SNRNP35: variants seen among roughly 807,000 people sequenced by gnomAD.
The protein encoded by SNRNP35 is U11/U12 small nuclear ribonucleoprotein 35 kDa protein.
Under a neutral mutation model 24.3 loss-of-function variants are expected in SNRNP35, and 16 were observed. The ratio of observed to expected loss-of-function variants is 0.66; its 90% CI spans 0.45 to 1.00. SNRNP35 has a LOEUF of 1.00. Among genes scored for constraint, SNRNP35 ranks in the 50% least tolerant of loss-of-function variants. SNRNP35 has a pLI of 0.00. For missense variants in SNRNP35, 292 were observed against 327.2 expected (o/e 0.89, Z 0.83); for synonymous variants, 106 against 124.8 (o/e 0.85, Z 1.00).
At position 123,465,968 on chromosome 12, in the gene SNRNP35, G is replaced by A. The variant is rs748676529; in HGVS notation, c.428G>A (p.Gly143Asp). 2 of 1,613,994 alleles carry A rather than the reference G, an allele frequency of 1.2e-6. No homozygotes were observed. The highest frequency in any genetic ancestry group is 2.2e-5 in the East Asian group (1 of 44,898). Residue 143 changes from glycine to aspartate, a missense_variant, in exon 2 of 2, where the codon GGT (glycine) becomes GAT (aspartate). By Grantham distance (94) the Gly-to-Asp change is moderately conservative. Transcript: ENST00000526639. This position sits in a 1 kb window ranked among gnomAD's most constrained non-coding sequence, Gnocchi z 4.2. ...TGGATCCCTCGGCGACTTGGAGGCG[G>A]TCTTGGGGGAAAAAAGGAGTCTGGG... ...KGWIPRRLGGGLGGKKESGQL... is the reference protein window; with the variant it reads ...KGWIPRRLGGDLGGKKESGQL...
rs1881005682 is a variant in SNRNP35 at position 123,466,834 on chromosome 12, C to G, written c.*553C>G. On this transcript the variant is annotated 3_prime_UTR_variant, in exon 2 of 2. Transcript: ENST00000526639. Reference sequence around the variant, plus strand: ...AAAGTGCTGGGATTACAGGTGTGAGCCACTACTCCTGGCCTGGTCTCCAAC... The same window carrying G: ...AAAGTGCTGGGATTACAGGTGTGAGGCACTACTCCTGGCCTGGTCTCCAAC... The G allele has an allele frequency of 6.6e-6, 1 of 152,482 alleles. No homozygotes were observed. Among genetic ancestry groups the G allele is most frequent in the Non-Finnish European group, 1.5e-5 (1 of 68,278 alleles). 9.4% of individuals were successfully genotyped at this position (152,482 alleles called of 1,614,324 possible). A position where few individuals can be genotyped will look rare whatever the true frequency, so the allele number is the denominator to read the frequency against.
At position 123,466,163 on chromosome 12, in the gene SNRNP35, A is replaced by G. The variant is rs1423658947; in HGVS notation, c.623A>G (p.Glu208Gly). 6.2e-7 allele frequency: 1 copy of G among 1,607,958 alleles called. No individual in the cohort carries two copies. The highest frequency in any genetic ancestry group is 8.5e-7 in the Non-Finnish European group (1 of 1,177,750). The change falls in exon 2 of 2, where the codon GAG becomes GGG. Residue 208 changes from glutamate to glycine, a missense_variant. Physicochemically the swap from Glu to Gly is moderately conservative, Grantham distance 98. Transcript: ENST00000526639. Reference protein sequence around the residue: ...TRDRDHDRGREKRWQEREPTR... With the variant: ...TRDRDHDRGRGKRWQEREPTR... Reference sequence around the variant, plus strand: ...GATCGAGACCATGACAGGGGCCGGGAGAAGAGATGGCAAGAAAGAGAGCCG... The same window carrying G: ...GATCGAGACCATGACAGGGGCCGGGGGAAGAGATGGCAAGAAAGAGAGCCG...
chr12:123,470,047 A>G (rs1374434497), downstream of SNRNP35: 3 of 151,954 alleles, frequency 2.0e-5, no homozygotes, highest in Non-Finnish European at 4.4e-5. Flanking sequence ...ACACATGTAC[A>G]TATATATATG....
At chr12:123,472,935 G>T (rs916989258) in exon 2 of SNRNP35, 2 of 440,518 alleles carry the variant, frequency 4.5e-6, no homozygotes, top group Non-Finnish European at 8.4e-6. Flanking sequence ...TGATGTGTGA[G>T]GTGTCTTCCA....
rs1229647720 is a variant in SNRNP35, at chr12:123,465,642, A to G, written c.102A>G (p.Ala34=). ...CACACGACCGCGCGGTCTGGAGGGC[A>G]ATGCTGGCACGATATGTCCCCAACA... is the stretch of plus-strand genomic sequence containing the variant. ...EDPHDRAVWR[A]MLARYVPNKG... is the part of the protein sequence containing the mutation. Residue 34 remains alanine, a synonymous_variant, in exon 2 of 2, where the codon GCA becomes GCG. Coordinates refer to ENST00000526639, the MANE Select transcript of SNRNP35 (RefSeq NM_022717.4). The surrounding 1 kb of genome is among the most constrained non-coding windows in gnomAD (Gnocchi z 4.2). 6.2e-6 allele frequency: 10 copies of G among 1,613,774 alleles called. No homozygotes were observed. Among genetic ancestry groups the G allele is most frequent in the Non-Finnish European group, 7.6e-6 (9 of 1,179,848 alleles).
At chr12:123,467,060 TC>T (rs1881013781), downstream of SNRNP35, 1 of 152,240 alleles carries the variant, frequency 6.6e-6, no homozygotes, top group African/African-American at 2.4e-5. Context: ...CTAATCACAC[TC>T]CTCTGAGTCC....
At chr12:123,459,654 GGT>G (rs1167907952) in intron 1 of SNRNP35, 4 of 532,030 alleles carry the variant, frequency 7.5e-6, no homozygotes. Context: ...TGGGCGTGGT[GGT>G]GTGTGTCTGT....
At chr12:123,468,526 G>A (rs1170957627), downstream of SNRNP35, among the ~76,000 whole-genome samples, 2 of 151,864 alleles carry the variant, frequency 1.3e-5, no homozygotes, top group Non-Finnish European at 2.9e-5. Flanking sequence ...TTCTCTTTAC[G>A]AAAAACACAA....
chr12:123,461,902 A>C (rs1464810313), intron 1 of SNRNP35, among the ~76,000 whole-genome samples: 1 of 151,692 alleles, frequency 6.6e-6, no homozygotes, highest in Non-Finnish European at 1.5e-5. Context: ...TTGTATGTTT[A>C]GTAGAGATGG....
At chr12:123,460,767 T>C (rs35485279) in intron 1 of SNRNP35, among the ~76,000 whole-genome samples, 37 of 151,604 alleles carry the variant, frequency 2.4e-4, no homozygotes, top group African/African-American at 9.0e-4. Context: ...TTCAAGCGAT[T>C]CTCCTGCCTC....
chr12:123,468,368 A>AG (rs952403256), downstream of SNRNP35, among the ~76,000 whole-genome samples: 1 of 146,168 alleles, frequency 6.8e-6, no homozygotes, highest in Non-Finnish European at 1.5e-5. Flanking sequence ...CAAAAAAAAA[A>AG]AAAAAAAGAA....
At chr12:123,458,447 G>A (rs1880401397) in intron 1 of SNRNP35, among the ~76,000 whole-genome samples, 1 of 152,048 alleles carries the variant, frequency 6.6e-6, no homozygotes, top group African/African-American at 2.4e-5. Context: ...CGGCCTCGAG[G>A]GTTGGCGGCC....
At chr12:123,468,486 C>T (rs1308007210), downstream of SNRNP35, among the ~76,000 whole-genome samples, 6 of 152,076 alleles carry the variant, frequency 3.9e-5, no homozygotes, top group Middle Eastern at 0.01. Context: ...CTCAGCAGTT[C>T]GAGACCAGTC....
At chr12:123,459,128 G>A (rs1015603068) in intron 1 of SNRNP35, 1 of 144,470 alleles carries the variant, frequency 6.9e-6, no homozygotes, top group Admixed American at 6.8e-5. Context: ...GATTGAAACG[G>A]GGTCTCACTT....
At chr12:123,463,427 G>A (rs112118241) in intron 1 of SNRNP35, among the ~76,000 whole-genome samples, 4,907 of 151,764 alleles carry the variant, frequency 0.032, 121 homozygotes, top group Middle Eastern at 0.075. Context: ...ACCCAGGCTG[G>A]AGTGCGGTGA....
At chr12:123,458,412 C>A (rs575336836) in intron 1 of SNRNP35, among the ~76,000 whole-genome samples, 196 bp downstream of exon 1, 1 of 132,710 alleles carries the variant, frequency 7.5e-6, no homozygotes, top group East Asian at 3.3e-4. Context: ...CCTGCGGCCC[C>A]CAGAGAAGGA....
chr12:123,464,092 C>T (rs1335937808), intron 1 of SNRNP35, among the ~76,000 whole-genome samples: 4 of 151,602 alleles, frequency 2.6e-5, no homozygotes, highest in Non-Finnish European at 2.9e-5. Context: ...TACAACCACG[C>T]CCCGCTAATT....
intron 1 of SNRNP35, among the ~76,000 whole-genome samples, chr12:123,460,846 C>T (rs969432338): frequency 1.3e-5 from 2 of 151,352 alleles, no homozygotes; most frequent in African/African-American, 2.4e-5. Context: ...TCAATAGAGA[C>T]GGGGTTACTC....
chr12:123,468,933 G>T (rs1197251970), downstream of SNRNP35, among the ~76,000 whole-genome samples: 1 of 152,152 alleles, frequency 6.6e-6, no homozygotes, highest in Non-Finnish European at 1.5e-5. Context: ...TAAAGGATTG[G>T]AAGGAAGCTA....
Sources: allele counts gnomAD v4.1 joint callset (sites outside exome capture counted in the v4.1 genomes callset), GRCh38; gene constraint gnomAD v4.1.1; non-coding constraint Gnocchi (gnomAD v3.1); transcripts MANE v1.5; gene names NCBI Gene and HGNC (gene_info 2026-07-23, HGNC 2026-07-21).